Variants in TMOD3 observed in about 807,000 individuals in gnomAD.
TMOD3 encodes tropomodulin 3.
In TMOD3, 20 loss-of-function variants were observed where a neutral mutation model predicts 39.2. The ratio of observed to expected loss-of-function variants is 0.51; its 90% confidence interval spans 0.36 to 0.74. The LOEUF is 0.74. Among genes scored for constraint, TMOD3 ranks in the 30% least tolerant of loss-of-function variants. The pLI is 0.00. For missense variants in TMOD3, 381 were observed against 412.8 expected, an observed-to-expected ratio of 0.92 and a Z score of 0.67; for synonymous variants, 143 against 145.8, an observed-to-expected ratio of 0.98 and a Z score of 0.14.
Position 51,894,037 on chromosome 15 carries a change from T to A in TMOD3, c.627+92T>A, listed in dbSNP as rs2056608835. On this transcript the variant is annotated intron_variant, in intron 6 of 9. Coordinates refer to ENST00000308580, the MANE Select transcript of TMOD3 (RefSeq NM_014547.5). ...CAGTTGATAAAATAGTCTAATTCTTTCTACTTTAACGTAAAGTTTTTGCTC... is the reference window on the plus strand; with the variant it reads ...CAGTTGATAAAATAGTCTAATTCTTACTACTTTAACGTAAAGTTTTTGCTC... 4 of 1,209,976 alleles carry A rather than the reference T, an allele frequency of 3.3e-6. No homozygotes were observed. In the East Asian group the frequency reaches 1.1e-4, roughly 32 times the overall value. 75.0% of individuals were successfully genotyped at this position (1,209,976 alleles called of 1,614,324 possible). A position where few individuals can be genotyped will look rare whatever the true frequency, so the allele number is the denominator to read the frequency against.
chr15:51,883,389 T>C (rs906019205), intron 3 of TMOD3, among the ~76,000 whole-genome samples: 1 of 152,250 alleles, frequency 6.6e-6, no homozygotes, highest in African/African-American at 2.4e-5. Context: ...CTTAGATTTT[T>C]ATGATGCTTT....
At chr15:51,855,734 C>A (rs1934828565) in intron 1 of TMOD3, among the ~76,000 whole-genome samples, 1 of 152,214 alleles carries the variant, frequency 6.6e-6, no homozygotes. Context: ...ATTTGTTCCT[C>A]TTCTAGAAGG....
intron 3 of TMOD3, among the ~76,000 whole-genome samples, chr15:51,885,946 G>T (rs2056559777): frequency 6.7e-6 from 1 of 150,044 alleles, no homozygotes; most frequent in Non-Finnish European, 1.5e-5. Flanking sequence ...GGACAGGGTG[G>T]CTGGCCGGGC....
At chr15:51,865,082 G>T (rs1023903015) in intron 2 of TMOD3, among the ~76,000 whole-genome samples, 7 of 152,096 alleles carry the variant, frequency 4.6e-5, no homozygotes, top group African/African-American at 1.7e-4. Flanking sequence ...GAACTTCTGG[G>T]CTCAAGCGAT....
chr15:51,907,725 T>C (rs1019370595), intron 9 of TMOD3, among the ~76,000 whole-genome samples: 22 of 152,344 alleles, frequency 1.4e-4, no homozygotes, highest in African/African-American at 4.6e-4. Flanking sequence ...TAGCCCTGAA[T>C]TGGTGGCCCT....
At chr15:51,864,212 G>T (rs977177525) in intron 2 of TMOD3, among the ~76,000 whole-genome samples, 10 of 145,958 alleles carry the variant, frequency 6.9e-5, no homozygotes, top group African/African-American at 2.6e-4. Flanking sequence ...GTTGCAGTGA[G>T]CCGAAATTGC....
chr15:51,859,648 AG>A (rs964509509), intron 1 of TMOD3: 8 of 509,942 alleles, frequency 1.6e-5, no homozygotes, highest in African/African-American at 1.4e-4. Context: ...CACTCTGCCA[AG>A]AAGTCCACAA....
At chr15:51,888,434 G>A in intron 4 of TMOD3, among the ~76,000 whole-genome samples, 1 of 152,218 alleles carries the variant, frequency 6.6e-6, no homozygotes, top group East Asian at 1.9e-4. Context: ...AAGACTGACA[G>A]ATCTGTAAAC....
chr15:51,885,590 AG>A (rs1242812734), intron 3 of TMOD3, among the ~76,000 whole-genome samples: 1 of 152,194 alleles, frequency 6.6e-6, no homozygotes. Context: ...CATGTTTCAG[AG>A]AACACGGGGT....
intron 1 of TMOD3, among the ~76,000 whole-genome samples, chr15:51,852,989 A>G (rs920437270): frequency 6.6e-6 from 1 of 152,228 alleles, no homozygotes; most frequent in African/African-American, 2.4e-5. Context: ...TTACAGAGAC[A>G]CAATTTCAAT....
At chr15:51,856,001 G>A (rs992483517) in intron 1 of TMOD3, among the ~76,000 whole-genome samples, 11 of 152,296 alleles carry the variant, frequency 7.2e-5, no homozygotes, top group South Asian at 2.1e-4. Context: ...GGTAGCTCAC[G>A]CCTGTAATCC....
chr15:51,897,659 A>G (rs899441364), intron 7 of TMOD3, among the ~76,000 whole-genome samples: 3 of 149,410 alleles, frequency 2.0e-5, no homozygotes, highest in Non-Finnish European at 4.4e-5. Context: ...TAATTTTTGT[A>G]TTTATAGTAG....
chr15:51,853,345 C>T lies in TMOD3; in HGVS notation c.-74-9466C>T, dbSNP rs182551905. ...GCCTCCTACTAGCTGGGCCTACAGA[C>T]GTGGGCCATCATGCCTGGCTAGTTT... On this transcript the variant is annotated intron_variant, in intron 1 of 9. Transcript: ENST00000308580. Among the ~76,000 whole-genome samples, 474 of 152,212 alleles carry T rather than the reference C, an allele frequency of 3.1e-3. 1 individual carries two copies. The highest frequency in any genetic ancestry group is 0.011 in the African/African-American group (443 of 41,534).
intron 9 of TMOD3, among the ~76,000 whole-genome samples, chr15:51,902,544 C>G (rs554110030): frequency 6.6e-6 from 1 of 152,062 alleles, no homozygotes; most frequent in African/African-American, 2.4e-5. Flanking sequence ...CATCTCGGCA[C>G]ACTGCAACCT....
intron 3 of TMOD3, among the ~76,000 whole-genome samples, chr15:51,869,862 C>G (rs768638712): frequency 2.6e-5 from 4 of 152,026 alleles, no homozygotes; most frequent in Admixed American, 1.3e-4. Flanking sequence ...TTTTTCTAGT[C>G]CAAGTCTCCC....
intron 1 of TMOD3, among the ~76,000 whole-genome samples, chr15:51,832,225 A>ATG (rs1253960083): frequency 2.2e-5 from 3 of 133,914 alleles, no homozygotes; most frequent in African/African-American, 8.5e-5. Flanking sequence ...ATATATATAT[A>ATG]TATATATGAA....
chr15:51,844,400 C>T (rs923344165), intron 1 of TMOD3, among the ~76,000 whole-genome samples: 2 of 152,166 alleles, frequency 1.3e-5, no homozygotes, highest in South Asian at 4.1e-4. Context: ...CTTAAAATAT[C>T]ACCTTCTGCG....
intron 3 of TMOD3, among the ~76,000 whole-genome samples, chr15:51,875,807 A>G (rs1223744872): frequency 6.6e-6 from 1 of 151,660 alleles, no homozygotes; most frequent in East Asian, 1.9e-4. Context: ...TTTAGTAGAG[A>G]CAGGGTTTCA....
At chr15:51,907,541 C>G (rs1410566080) in intron 9 of TMOD3, among the ~76,000 whole-genome samples, 1 of 152,216 alleles carries the variant, frequency 6.6e-6, no homozygotes, top group Non-Finnish European at 1.5e-5. Context: ...AGCAGAGTGT[C>G]TATGGCCTGG....
Sources: allele counts gnomAD v4.1 joint callset (sites outside exome capture counted in the v4.1 genomes callset), GRCh38; gene constraint gnomAD v4.1.1; transcripts MANE v1.5; gene names NCBI Gene and HGNC (gene_info 2026-07-23, HGNC 2026-07-21).